The following SSPN variants were observed in gnomAD, a reference collection of about 807,000 sequenced individuals.
SSPN encodes the protein K-ras oncogene-associated protein.
A neutral mutation model predicts 19.1 loss-of-function variants in SSPN; 15 were observed. The observed-to-expected ratio is 0.78, with a 90% confidence interval of 0.52 to 1.21. The LOEUF is 1.21. Ranked by LOEUF, SSPN falls within the 50% of genes most tolerant of loss-of-function variation. SSPN has a pLI of 0.00. For missense variants in SSPN, 291 were observed against 314.0 expected (o/e 0.93, Z 0.55); for synonymous variants, 147 against 140.3 (o/e 1.05, Z -0.34).
chr12:26,150,260 T>C (rs1007822723), intron 1 of SSPN, among the ~76,000 whole-genome samples: 2 of 152,168 alleles, frequency 1.3e-5, no homozygotes, highest in Non-Finnish European at 2.9e-5. Context: ...CATCAGGCTT[T>C]CCACAAAACC....
rs908402107 is a variant in SSPN at position 26,162,495 on chromosome 12, G to T, written c.-31+40343G>T. Among the ~76,000 whole-genome samples the T allele has an allele frequency of 2.0e-5, 3 of 152,274 alleles. No homozygotes were observed. In the South Asian group the frequency reaches 6.2e-4, roughly 32 times the overall value. ...TTATTCTGTCTAGACATGGATAACT[G>T]GTTACTAGAGATCTCTTCCCCAGTA... On this transcript the variant is annotated intron_variant, in intron 1 of 2. Coordinates refer to the SSPN transcript ENST00000538142.
upstream of SSPN, among the ~76,000 whole-genome samples, chr12:26,193,243 G>A (rs1481659693): frequency 6.6e-6 from 1 of 152,196 alleles, no homozygotes; most frequent in Non-Finnish European, 1.5e-5. Flanking sequence ...CATACAGGAA[G>A]TAATTAATAA....
chr12:26,122,928 G>A, intron 1 of SSPN: 1 of 1,551,018 alleles, frequency 6.4e-7, no homozygotes, highest in Non-Finnish European at 8.7e-7. Context: ...CGCGGACCCG[G>A]CGGCCGAGGG....
rs74075045 is a variant in SSPN, at chr12:26,211,418, G to A, written c.280-12875G>A. ...GTAAATTGATGAAACACTCAGCCTTGGGTTCACTGGTTTAAAATGATGAGC... is the reference window on the plus strand; with the variant it reads ...GTAAATTGATGAAACACTCAGCCTTAGGTTCACTGGTTTAAAATGATGAGC... On this transcript the variant is annotated intron_variant, in intron 1 of 2. Transcript: ENST00000242729. 1.6e-3 allele frequency: 250 copies of A among 152,276 alleles called. 1 individual carries two copies. The highest frequency in any genetic ancestry group is 5.8e-3 in the African/African-American group (239 of 41,560). 9.4% of individuals were successfully genotyped at this position (152,276 alleles called of 1,614,324 possible). A position where few individuals can be genotyped will look rare whatever the true frequency, so the allele number is the denominator to read the frequency against.
chr12:26,202,041 T>A (rs1413475155), intron 1 of SSPN, among the ~76,000 whole-genome samples: 1 of 152,228 alleles, frequency 6.6e-6, no homozygotes, highest in Non-Finnish European at 1.5e-5. Context: ...AATGGTGTAG[T>A]ATTTGCATAT....
At chr12:26,187,998 A>G (rs1244555655) in intron 1 of SSPN, among the ~76,000 whole-genome samples, 1 of 152,252 alleles carries the variant, frequency 6.6e-6, no homozygotes. Context: ...CGACAGGGCT[A>G]GGATACTGGC....
chr12:26,152,697 A>G (rs1368321812), intron 1 of SSPN, among the ~76,000 whole-genome samples: 1 of 152,150 alleles, frequency 6.6e-6, no homozygotes, highest in African/African-American at 2.4e-5. Flanking sequence ...TTCATTCCTT[A>G]TCTGTGTCTC....
At chr12:26,183,044 G>T (rs754192065) in intron 1 of SSPN, among the ~76,000 whole-genome samples, 1 of 152,098 alleles carries the variant, frequency 6.6e-6, no homozygotes, top group Non-Finnish European at 1.5e-5. Context: ...TGGATTACAG[G>T]CGTGAGCCAC....
intron 1 of SSPN, among the ~76,000 whole-genome samples, chr12:26,183,205 G>C (rs1944731169): frequency 6.6e-6 from 1 of 152,158 alleles, no homozygotes; most frequent in Non-Finnish European, 1.5e-5. Flanking sequence ...TTCAGAATAA[G>C]AACCGCATTT....
chr12:26,203,911 A>G (rs536661772), intron 1 of SSPN, among the ~76,000 whole-genome samples: 72 of 152,242 alleles, frequency 4.7e-4, no homozygotes, highest in African/African-American at 1.6e-3. Flanking sequence ...AGAAGAAGAG[A>G]TCTCTTTCTC....
In SSPN at chr12:26,169,440, G is replaced by A. The variant is rs541720942; in HGVS notation, c.-31+47288G>A. 2.0e-5 allele frequency among the ~76,000 whole-genome samples: 3 copies of A among 152,240 alleles called. No homozygotes were observed. In the South Asian group the frequency reaches 6.2e-4, roughly 32 times the overall value. On this transcript the variant is annotated intron_variant, in intron 1 of 2. Coordinates refer to the SSPN transcript ENST00000538142. ...TTATAGAAGGAATACAAAGGGATAG[G>A]AGGCTTAGTATTTAGCCTCTGATAT...
At chr12:26,208,276 C>T (rs945838056) in intron 1 of SSPN, among the ~76,000 whole-genome samples, 1 of 152,122 alleles carries the variant, frequency 6.6e-6, no homozygotes, top group Non-Finnish European at 1.5e-5. Flanking sequence ...TCACCTCCAC[C>T]AGTGGTAAAT....
At chr12:26,149,962 T>C (rs1374774047) in intron 1 of SSPN, among the ~76,000 whole-genome samples, 1 of 152,218 alleles carries the variant, frequency 6.6e-6, no homozygotes. Context: ...TGTACACATA[T>C]ACTCGCAAGG....
At chr12:26,158,473 G>A (rs1944568680) in intron 1 of SSPN, among the ~76,000 whole-genome samples, 1 of 152,360 alleles carries the variant, frequency 6.6e-6, no homozygotes, top group Middle Eastern at 3.4e-3. Context: ...CAACCTGGTA[G>A]GAACTGAGAA....
intron 1 of SSPN, among the ~76,000 whole-genome samples, chr12:26,220,765 C>T (rs1401804655): frequency 6.6e-6 from 1 of 152,174 alleles, no homozygotes; most frequent in Admixed American, 6.5e-5. Flanking sequence ...AATGTCCACA[C>T]CACCCACCTG....
intron 1 of SSPN, among the ~76,000 whole-genome samples, chr12:26,167,406 T>C (rs1454903632): frequency 6.6e-6 from 1 of 152,216 alleles, no homozygotes; most frequent in Non-Finnish European, 1.5e-5. Context: ...TCTATAAGAC[T>C]GAAACTGTCT....
intron 1 of SSPN, among the ~76,000 whole-genome samples, chr12:26,199,256 T>A (rs1944857025): frequency 1.3e-5 from 2 of 152,184 alleles, no homozygotes; most frequent in Admixed American, 1.3e-4. Flanking sequence ...GATCAGAAAT[T>A]TATGTCCAGT....
In SSPN at chr12:26,231,835, T is replaced by G. The variant is rs1945236787; in HGVS notation, c.*759T>G. ...TACATTATGCTTCTATTCTATCATCTAAAACAAATCATTAAAACTAATTTC... is the reference window on the plus strand; with the variant it reads ...TACATTATGCTTCTATTCTATCATCGAAAACAAATCATTAAAACTAATTTC... On this transcript the variant is annotated 3_prime_UTR_variant, in exon 3 of 3. Coordinates refer to ENST00000242729, the MANE Select transcript of SSPN (RefSeq NM_005086.5). 1.5e-6 allele frequency: 1 copy of G among 665,038 alleles called. No homozygotes were observed. 41.2% of individuals were successfully genotyped at this position (665,038 alleles called of 1,614,324 possible). A position where few individuals can be genotyped will look rare whatever the true frequency, so the allele number is the denominator to read the frequency against.
chr12:26,184,834 G>T (rs1944742245), intron 1 of SSPN, among the ~76,000 whole-genome samples: 1 of 152,026 alleles, frequency 6.6e-6, no homozygotes, highest in South Asian at 2.1e-4. Flanking sequence ...ACATCATAAT[G>T]TAATATGCTC....
Sources: gnomAD v4.1 joint callset for allele counts (sites outside exome capture counted in the v4.1 genomes callset) on GRCh38, gnomAD v4.1.1 for gene constraint, MANE v1.5 for transcripts, NCBI Gene and HGNC (gene_info 2026-07-23, HGNC 2026-07-21) for gene names.